The following WHR1 variants were observed in gnomAD, a reference collection of about 807,000 sequenced individuals.
WHR1 encodes the protein MHC class III HLA-RP1.
chr6:31,972,168 G>T, the WHR1 span: 2 of 1,612,074 alleles, frequency 1.2e-6, no homozygotes, highest in Non-Finnish European at 8.5e-7. The surrounding 1 kb of genome is among the most constrained non-coding windows in gnomAD (Gnocchi z 6.3). Context: ...CCCTTGGAGG[G>T]AGCCAATCCG....
At chr6:31,972,837 G>T in the WHR1 span, 2 of 1,590,456 alleles carry the variant, frequency 1.3e-6, no homozygotes, top group Non-Finnish European at 8.5e-7. The surrounding 1 kb of genome is among the most constrained non-coding windows in gnomAD (Gnocchi z 6.3). Flanking sequence ...TCCGCCAGCC[G>T]TTCAGCAAGC....
chr6:31,971,714 T>C, the WHR1 span: 11 of 1,560,444 alleles, frequency 7.0e-6, no homozygotes, highest in East Asian at 1.8e-4. This position sits in a 1 kb window ranked among gnomAD's most constrained non-coding sequence, Gnocchi z 4.5. Flanking sequence ...GTTTCCATTC[T>C]ACAGAGGAGG....
At chr6:31,971,596 G>C in the WHR1 span, 1 of 1,613,752 alleles carries the variant, frequency 6.2e-7, no homozygotes, top group Non-Finnish European at 8.5e-7. This position sits in a 1 kb window ranked among gnomAD's most constrained non-coding sequence, Gnocchi z 4.5. Flanking sequence ...GGGCAGAGAA[G>C]GTGCTGGACG....
At chr6:31,976,621 C>T in the WHR1 span, among the ~76,000 whole-genome samples, 3 of 150,136 alleles carry the variant, frequency 2.0e-5, no homozygotes, top group Middle Eastern at 3.6e-3. Context: ...GCAGAGACGC[C>T]CCTCACTTCC....
At chr6:31,977,698 G>A in the WHR1 span, among the ~76,000 whole-genome samples, 1 of 151,582 alleles carries the variant, frequency 6.6e-6, no homozygotes, top group Admixed American at 6.6e-5. Flanking sequence ...TGGCCAGGCT[G>A]GTCTTGAACT....
At chr6:31,971,321 C>A in the WHR1 span, 4 of 1,540,452 alleles carry the variant, frequency 2.6e-6, no homozygotes, top group Non-Finnish European at 3.5e-6. The surrounding 1 kb of genome is among the most constrained non-coding windows in gnomAD (Gnocchi z 4.5). Context: ...TTTGCTCACC[C>A]CTCCAACCGG....
the WHR1 span, chr6:31,972,617 C>T: frequency 1.6e-4 from 254 of 1,607,574 alleles, no homozygotes; most frequent in Non-Finnish European, 2.1e-4. This position sits in a 1 kb window ranked among gnomAD's most constrained non-coding sequence, Gnocchi z 6.3. Context: ...ATTTATCTGC[C>T]CAGGGTCGGC....
At chr6:31,972,185 G>C in the WHR1 span, 1 of 1,611,792 alleles carries the variant, frequency 6.2e-7, no homozygotes, top group Non-Finnish European at 8.5e-7. The surrounding 1 kb of genome is among the most constrained non-coding windows in gnomAD (Gnocchi z 6.3). Flanking sequence ...TCCGCGGCCG[G>C]CGTGGGGCCC....
the WHR1 span, chr6:31,979,788 A>G: frequency 2.0e-6 from 1 of 504,264 alleles, no homozygotes; most frequent in Non-Finnish European, 3.5e-6. Context: ...TTGGTGGCTT[A>G]TCAAAAGCAC....
At chr6:31,971,550 G>T in the WHR1 span, 36 of 1,614,088 alleles carry the variant, frequency 2.2e-5, no homozygotes, top group Non-Finnish European at 2.8e-5. This position sits in a 1 kb window ranked among gnomAD's most constrained non-coding sequence, Gnocchi z 4.5. Context: ...GGCGCCGGTA[G>T]AAAGGAAAGG....
At chr6:31,971,377 T>C in the WHR1 span, 2 of 1,576,264 alleles carry the variant, frequency 1.3e-6, no homozygotes, top group Non-Finnish European at 1.7e-6. The surrounding 1 kb of genome is among the most constrained non-coding windows in gnomAD (Gnocchi z 4.5). Context: ...CAGCCTTTCC[T>C]GGACCTCCTC....
At chr6:31,975,426 C>A in the WHR1 span, among the ~76,000 whole-genome samples, 1 of 152,024 alleles carries the variant, frequency 6.6e-6, no homozygotes, top group Non-Finnish European at 1.5e-5. Context: ...TGGTCTTGAT[C>A]TCCTGACCTC....
the WHR1 span, among the ~76,000 whole-genome samples, chr6:31,975,403 A>C: frequency 6.6e-6 from 1 of 151,824 alleles, no homozygotes; most frequent in Non-Finnish European, 1.5e-5. Context: ...GGGTTTCATC[A>C]TGTTGGCCAT....
At chr6:31,972,216 G>A in the WHR1 span, 1 of 1,612,828 alleles carries the variant, frequency 6.2e-7, no homozygotes, top group Non-Finnish European at 8.5e-7. This position sits in a 1 kb window ranked among gnomAD's most constrained non-coding sequence, Gnocchi z 6.3. Context: ...AGGTGATGCT[G>A]GTATGTGCGT....
At chr6:31,971,569 T>C in the WHR1 span, 17 of 1,613,632 alleles carry the variant, frequency 1.1e-5, no homozygotes, top group African/African-American at 1.6e-4. The surrounding 1 kb of genome is among the most constrained non-coding windows in gnomAD (Gnocchi z 4.5). Flanking sequence ...GGGCCCAGAG[T>C]AGAGGGCAGG....
At chr6:31,974,394 A>G in the WHR1 span, among the ~76,000 whole-genome samples, 1 of 152,174 alleles carries the variant, frequency 6.6e-6, no homozygotes, top group Non-Finnish European at 1.5e-5. Context: ...ACAGTGGTCT[A>G]AGAAGAGGGA....
the WHR1 span, chr6:31,972,427 C>G: frequency 6.2e-7 from 1 of 1,612,956 alleles, no homozygotes; most frequent in Admixed American, 1.7e-5. This position sits in a 1 kb window ranked among gnomAD's most constrained non-coding sequence, Gnocchi z 6.3. Flanking sequence ...CTGGAAGAGG[C>G]ATCACCTGAT....
chr6:31,974,635 A>G, the WHR1 span, among the ~76,000 whole-genome samples: 1 of 152,212 alleles, frequency 6.6e-6, no homozygotes. Context: ...GTGTGCACCT[A>G]TTGTTCTAGC....
the WHR1 span, chr6:31,980,147 A>G: frequency 2.4e-6 from 1 of 410,250 alleles, no homozygotes; most frequent in Non-Finnish European, 4.4e-6. Flanking sequence ...CCTCGGTCCT[A>G]AGACCGAATG....
Sources: gnomAD v4.1 joint callset for allele counts (sites outside exome capture counted in the v4.1 genomes callset) on GRCh38, gnomAD v4.1.1 for gene constraint, Gnocchi (gnomAD v3.1) non-coding constraint, MANE v1.5 for transcripts, NCBI Gene and HGNC (gene_info 2026-07-23, HGNC 2026-07-21) for gene names.